The following EPN2 variants were observed in gnomAD, a reference collection of about 807,000 sequenced individuals.
The protein encoded by EPN2 is epsin 2, also known as epsin-2.
A neutral mutation model predicts 61.7 loss-of-function variants in EPN2; 34 were observed. That is an observed-to-expected ratio of 0.55 (90% CI 0.42 to 0.73). The LOEUF is 0.73. Ranked by LOEUF, EPN2 falls within the 30% of genes least tolerant of loss-of-function variation. EPN2 has a pLI of 0.00. For synonymous variants in EPN2, 349 were observed against 353.6 expected, an observed-to-expected ratio of 0.99 and a Z score of 0.15; for missense variants, 714 against 839.2, an observed-to-expected ratio of 0.85 and a Z score of 1.84.
At position 19,283,031 on chromosome 17, in the gene EPN2, A is replaced by G; in HGVS notation, c.-89A>G. The G allele has an allele frequency of 1.1e-6, 1 of 874,662 alleles. No homozygotes were observed. Among genetic ancestry groups the G allele is most frequent in the South Asian group, 1.8e-5 (1 of 54,874 alleles). The allele number at this position is 874,662 out of a possible 1,614,324, so 54.2% of individuals were successfully genotyped here. The stretch of plus-strand genomic sequence containing the variant: ...GGATCTTACTCCAGCTTGATTACGG[A>G]GACTGAACCTTCATAGGGTGCGCAC... On this transcript the variant is annotated 5_prime_UTR_variant, in exon 3 of 11. Transcript: ENST00000314728. The surrounding 1 kb of genome is among the most constrained non-coding windows in gnomAD (Gnocchi z 7.0).
intron 1 of EPN2, among the ~76,000 whole-genome samples, chr17:19,268,634 A>G (rs1310153359): frequency 6.6e-6 from 1 of 152,232 alleles, no homozygotes. Context: ...TTCTAGGAAC[A>G]GACTCTAGAA....
chr17:19,312,929 G>A (rs952069977), intron 6 of EPN2, 176 bp from the exon 7 acceptor site: 1 of 641,668 alleles, frequency 1.6e-6, no homozygotes, highest in Non-Finnish European at 2.7e-6. Flanking sequence ...TGTGACTGGA[G>A]AGCTGGCTGG....
intron 1 of EPN2, among the ~76,000 whole-genome samples, chr17:19,253,506 C>T (rs1415824192): frequency 6.7e-6 from 1 of 149,774 alleles, no homozygotes; most frequent in Non-Finnish European, 1.5e-5. Context: ...CCTTGACTTC[C>T]TGGGCTCAAG....
rs1467890185 is a variant in EPN2 at position 19,331,996 on chromosome 17, C to T, written c.1555C>T (p.Leu519=). Residue 519 remains leucine, a synonymous_variant, in exon 10 of 11, where the codon CTG becomes TTG. Coordinates refer to ENST00000314728, the MANE Select transcript of EPN2 (RefSeq NM_014964.5). ...GTCCTTCCTGGGCCCCAACGCGGCC[C>T]TGGTGAACCTGGACTCACTGGTGAC... is the stretch of plus-strand genomic sequence containing the variant. The part of the protein sequence containing the change: ...PESFLGPNAA[L]VNLDSLVTRP... 4 of 1,613,922 alleles carry T rather than the reference C, an allele frequency of 2.5e-6. No individual in the cohort carries two copies. Among genetic ancestry groups the T allele is most frequent in the South Asian group, 1.1e-5 (1 of 91,082 alleles).
chr17:19,316,752 A>G (rs1567866158), intron 7 of EPN2, among the ~76,000 whole-genome samples: 1 of 152,248 alleles, frequency 6.6e-6, no homozygotes. Context: ...ACGCTGTACC[A>G]TCATTTACTA....
intron 1 of EPN2, among the ~76,000 whole-genome samples, chr17:19,249,989 C>T (rs187587395): frequency 1.3e-5 from 2 of 152,158 alleles, no homozygotes; most frequent in Non-Finnish European, 2.9e-5. Flanking sequence ...CTCTCTGACC[C>T]TGACTCTTCT....
In EPN2 at chr17:19,334,111, T is replaced by A; in HGVS notation, c.1783T>A (p.Ser595Thr). The A allele has an allele frequency of 6.2e-7, 1 of 1,607,938 alleles. No homozygotes were observed. Among genetic ancestry groups the A allele is most frequent in the Non-Finnish European group, 8.5e-7 (1 of 1,177,238 alleles). ...VESMAVASMT[S>T]AAPQPALGAT... is the part of the protein sequence containing the mutation. ...GTCCATGGCTGTGGCCTCGATGACC[T>A]CCGCGGCCCCACAGCCAGCTCTGGG... The change falls in exon 11 of 11, where the codon TCC (serine) becomes ACC (threonine). Residue 595 changes from serine (S) to threonine (T), a missense_variant. Ser to Thr is a moderately conservative substitution (Grantham distance 58, BLOSUM62 1). Around this residue, in one of 2 missense-constraint regions of EPN2, gnomAD observed 410 missense variants for 421.8 expected, o/e 0.97. Transcript: ENST00000314728. This position sits in a 1 kb window ranked among gnomAD's most constrained non-coding sequence, Gnocchi z 4.9.
At chr17:19,270,452 C>T (rs897249967) in intron 1 of EPN2, among the ~76,000 whole-genome samples, 1 of 152,158 alleles carries the variant, frequency 6.6e-6, no homozygotes, top group African/African-American at 2.4e-5. Context: ...CCAGTGTGTT[C>T]TCATAGGGAT....
At chr17:19,268,882 C>T (rs200472831) in intron 1 of EPN2, among the ~76,000 whole-genome samples, 15 of 152,168 alleles carry the variant, frequency 9.9e-5, no homozygotes, top group African/African-American at 4.8e-5. Flanking sequence ...CTGGGGAAGA[C>T]TGCATACTGT....
chr17:19,256,419 CAAAA>C (rs61210278), intron 1 of EPN2, among the ~76,000 whole-genome samples: 2 of 67,974 alleles, frequency 2.9e-5, no homozygotes, highest in Non-Finnish European at 6.4e-5. Context: ...GACCCTGTCT[CAAAA>C]AAAAAAAAAA....
chr17:19,261,551 T>G (rs1340107214), intron 1 of EPN2, among the ~76,000 whole-genome samples: 1 of 152,244 alleles, frequency 6.6e-6, no homozygotes, highest in Non-Finnish European at 1.5e-5. Context: ...ATAATTCTAT[T>G]CCTCCCCTTC....
At chr17:19,316,921 C>T (rs1679540369) in intron 7 of EPN2, among the ~76,000 whole-genome samples, 1 of 152,220 alleles carries the variant, frequency 6.6e-6, no homozygotes, top group South Asian at 2.1e-4. Flanking sequence ...TCTGCTAGCT[C>T]CTGCATTCAC....
intron 4 of EPN2, among the ~76,000 whole-genome samples, chr17:19,291,954 C>G (rs1054593052): frequency 1.3e-5 from 2 of 152,122 alleles, no homozygotes. Flanking sequence ...AGCATGCGCA[C>G]ACACAGACAC....
At chr17:19,310,139 G>T (rs1003712244) in intron 5 of EPN2, 142 bp downstream of exon 5, 2 of 656,112 alleles carry the variant, frequency 3.0e-6, no homozygotes, top group East Asian at 2.7e-5. Context: ...TCATGCTGCC[G>T]TAAGTGTGTA....
chr17:19,287,646 C>T (rs545427757), intron 4 of EPN2, among the ~76,000 whole-genome samples: 355 of 152,246 alleles, frequency 2.3e-3, no homozygotes, highest in Admixed American at 4.3e-3. Flanking sequence ...ATGATGCCGG[C>T]CATTCAGAAA....
chr17:19,321,634 A>G (rs1016501416), intron 7 of EPN2, among the ~76,000 whole-genome samples: 17 of 152,266 alleles, frequency 1.1e-4, no homozygotes, highest in African/African-American at 3.6e-4. Context: ...GTGGGAAGGG[A>G]TAGTAGCTGG....
At chr17:19,243,061 ATC>A (rs1329172717) in intron 1 of EPN2, among the ~76,000 whole-genome samples, 1 of 152,114 alleles carries the variant, frequency 6.6e-6, no homozygotes, top group Non-Finnish European at 1.5e-5. Context: ...TGGTGTCCTC[ATC>A]TCTAAAGGGG....
chr17:19,286,397 G>T (rs1253406656), intron 4 of EPN2, among the ~76,000 whole-genome samples: 1 of 152,078 alleles, frequency 6.6e-6, no homozygotes, highest in African/African-American at 2.4e-5. Flanking sequence ...CTAATTCAAT[G>T]GGTAACTAAA....
intron 1 of EPN2, among the ~76,000 whole-genome samples, chr17:19,247,102 C>T (rs1176646769): frequency 6.6e-6 from 1 of 152,070 alleles, no homozygotes. Context: ...CAGAGCTGTC[C>T]TGGGATATAA....
Sources: allele counts gnomAD v4.1 joint callset (sites outside exome capture counted in the v4.1 genomes callset), GRCh38; gene constraint gnomAD v4.1.1; regional missense constraint gnomAD v4.1.1; non-coding constraint Gnocchi (gnomAD v3.1); transcripts MANE v1.5; gene names NCBI Gene and HGNC (gene_info 2026-07-23, HGNC 2026-07-21).